The following PTGR2 variants were observed in gnomAD, a reference collection of about 807,000 sequenced individuals.
The protein encoded by PTGR2 is 15-oxoprostaglandin 13-reductase.
In PTGR2, 32 loss-of-function variants were observed where a neutral mutation model predicts 43.4. That is an observed-to-expected ratio of 0.74 (90% CI 0.56 to 0.99). The LOEUF (loss-of-function observed/expected upper bound fraction) is 0.99. PTGR2 is among the 50% of genes least tolerant of loss of function. PTGR2 has a pLI of 0.00. For synonymous variants in PTGR2, 106 were observed against 139.2 expected (o/e 0.76, Z 1.68); for missense variants, 373 against 420.0 (o/e 0.89, Z 0.98).
At chr14:73,852,609 G>A (rs1217132389) in intron 1 of PTGR2, among the ~76,000 whole-genome samples, 2 of 152,088 alleles carry the variant, frequency 1.3e-5, no homozygotes, top group Non-Finnish European at 2.9e-5. Flanking sequence ...CTGACGAGCT[G>A]GGCAGTTAGT....
chr14:73,859,743 A>C (rs2054441947), intron 2 of PTGR2, among the ~76,000 whole-genome samples: 1 of 151,320 alleles, frequency 6.6e-6, no homozygotes, highest in African/African-American at 2.4e-5. Flanking sequence ...AGGAAAGTTT[A>C]GCCGCGCTCC....
chr14:73,883,188 CT>C (rs58234739), intron 9 of PTGR2, among the ~76,000 whole-genome samples: 1,577 of 57,568 alleles, frequency 0.027, 13 homozygotes, highest in African/African-American at 0.042. Flanking sequence ...CCTCACCTCC[CT>C]TTTTTTTTTT....
At chr14:73,856,247 TTTG>T (rs1378497614) in intron 1 of PTGR2, among the ~76,000 whole-genome samples, 2 of 151,842 alleles carry the variant, frequency 1.3e-5, no homozygotes, top group Admixed American at 6.6e-5. Context: ...TAAAATCTTT[TTTG>T]TTGTTGTTTT....
intron 3 of PTGR2, among the ~76,000 whole-genome samples, 184 bp from the exon 4 acceptor site, chr14:73,873,839 A>G (rs1371871655): frequency 6.6e-6 from 1 of 152,166 alleles, no homozygotes; most frequent in Non-Finnish European, 1.5e-5. Flanking sequence ...TATATAATAC[A>G]TTGTTATTAA....
At chr14:73,872,478 A>C (rs1038582054) in intron 3 of PTGR2, among the ~76,000 whole-genome samples, 1 of 152,188 alleles carries the variant, frequency 6.6e-6, no homozygotes, top group Non-Finnish European at 1.5e-5. Context: ...CCATCAAAAC[A>C]CTATTTTGTA....
At chr14:73,879,045 C>T (rs369957827) in intron 5 of PTGR2, 51 bp from the exon 6 acceptor site, 106 of 1,447,066 alleles carry the variant, frequency 7.3e-5, no homozygotes, top group Non-Finnish European at 9.7e-5. Context: ...TACATTTTTA[C>T]ATTTAAATGT....
intron 4 of PTGR2, 101 bp downstream of exon 4, chr14:73,874,315 A>G: frequency 2.0e-6 from 2 of 999,066 alleles, no homozygotes; most frequent in East Asian, 2.5e-5. Context: ...AAATAAAAGC[A>G]TATATTTTCT....
intron 3 of PTGR2, 96 bp downstream of exon 3, chr14:73,860,753 G>T: frequency 1.5e-6 from 1 of 682,752 alleles, no homozygotes. Context: ...CTTATAGATT[G>T]GTAAATATTT....
In PTGR2 at chr14:73,851,906, C is replaced by CA. The variant is rs1236509338; in HGVS notation, c.-82dup. 1 of 152,260 alleles carries CA rather than the reference C, an allele frequency of 6.6e-6. No homozygotes were observed. The highest frequency in any genetic ancestry group is 1.5e-5 in the Non-Finnish European group (1 of 68,090). 9.4% of individuals were successfully genotyped at this position (152,260 alleles called of 1,614,324 possible). ...GTCGTGCAGTACAGCCTCTTTCCGG[C>CA]AAATCACGCGAGATTTCGTTCACCC... On this transcript the variant is annotated 5_prime_UTR_variant, in exon 1 of 10. Coordinates refer to ENST00000555661, the MANE Select transcript of PTGR2 (RefSeq NM_001146154.2).
chr14:73,865,298 G>A (rs111733647), intron 3 of PTGR2, among the ~76,000 whole-genome samples: 1 of 152,208 alleles, frequency 6.6e-6, no homozygotes, highest in South Asian at 2.1e-4. Flanking sequence ...TACAAAGGCT[G>A]AAGAACCTGG....
At chr14:73,875,406 C>T (rs889055404) in intron 4 of PTGR2, among the ~76,000 whole-genome samples, 8 of 151,498 alleles carry the variant, frequency 5.3e-5, no homozygotes, top group Non-Finnish European at 7.4e-5. Context: ...AGCGCAGTGG[C>T]GCGATCTCGG....
chr14:73,859,214 T>C (rs991768238), intron 2 of PTGR2, among the ~76,000 whole-genome samples: 2 of 152,130 alleles, frequency 1.3e-5, no homozygotes, highest in Non-Finnish European at 2.9e-5. Flanking sequence ...CTTTAGAGTA[T>C]GTTATTATTG....
Position 73,884,260 on chromosome 14 carries a change from T to A in PTGR2, c.*83T>A. On this transcript the variant is annotated 3_prime_UTR_variant, in exon 10 of 10. Transcript: ENST00000555661. ...AAGATATGTTAAAAAATCCTTAGAC[T>A]ATACATAGCTCTTGATTTAAATGTG... 1.2e-6 allele frequency: 1 copy of A among 817,658 alleles called. No individual in the cohort carries two copies. The highest frequency in any genetic ancestry group is 2.0e-6 in the Non-Finnish European group (1 of 499,724). The allele number at this position is 817,658 out of a possible 1,614,324, so 50.7% of individuals were successfully genotyped here.
intron 9 of PTGR2, among the ~76,000 whole-genome samples, chr14:73,883,534 G>A (rs1050595951): frequency 6.6e-6 from 1 of 151,448 alleles, no homozygotes. Context: ...CACCCGGGCT[G>A]GAGTGCAGTG....
chr14:73,874,109 T>A lies in PTGR2; in HGVS notation c.243T>A (p.Ile81=), dbSNP rs1280603164. 2 of 1,614,020 alleles carry A rather than the reference T, an allele frequency of 1.2e-6. No individual in the cohort carries two copies. Among genetic ancestry groups the A allele is most frequent in the Non-Finnish European group, 8.5e-7 (1 of 1,179,944 alleles). Residue 81 remains isoleucine (I), a synonymous_variant, in exon 4 of 10, where the codon ATT becomes ATA. Coordinates refer to ENST00000555661, the MANE Select transcript of PTGR2 (RefSeq NM_001146154.2). ...TCGTTGATGGAGGAGGTATTGGAAT[T>A]ATAGAAGAAAGCAAACACACAAATT... is the stretch of plus-strand genomic sequence containing the variant. The part of the protein sequence containing the change: ...SQVVDGGGIG[I]IEESKHTNLT...
chr14:73,861,254 A>G (rs900301139), intron 3 of PTGR2: 2 of 152,236 alleles, frequency 1.3e-5, no homozygotes, highest in Admixed American at 6.6e-5. Flanking sequence ...ACTTCTAGAT[A>G]AATAAGATTT....
rs1566637850 is a variant in PTGR2 at position 73,868,130 on chromosome 14, T to C, written c.157-5893T>C. Among the ~76,000 whole-genome samples the C allele has an allele frequency of 2.0e-5, 3 of 151,954 alleles. No individual in the cohort carries two copies. In the East Asian group the frequency reaches 5.8e-4, roughly 29 times the overall value. ...AGTGAAACCCCGTCTCTACTAAAAA[T>C]ACAAAAAAATTAGCCAGGCGTGGTG... On this transcript the variant is annotated intron_variant, in intron 3 of 9. Transcript: ENST00000555661.
At chr14:73,867,586 C>T (rs1194108531) in intron 3 of PTGR2, among the ~76,000 whole-genome samples, 3 of 152,038 alleles carry the variant, frequency 2.0e-5, no homozygotes, top group African/African-American at 7.2e-5. Flanking sequence ...TCACTTCGAA[C>T]ACTCCCAACT....
At chr14:73,879,899 A>T in intron 6 of PTGR2, 156 bp from the exon 7 acceptor site, 1 of 601,582 alleles carries the variant, frequency 1.7e-6, no homozygotes, top group Non-Finnish European at 2.9e-6. Flanking sequence ...ATTTCTAGCT[A>T]GTTAAAATTC....
Sources: allele counts gnomAD v4.1 joint callset (sites outside exome capture counted in the v4.1 genomes callset), GRCh38; gene constraint gnomAD v4.1.1; transcripts MANE v1.5; gene names NCBI Gene and HGNC (gene_info 2026-07-23, HGNC 2026-07-21).